The following RALYL variants were observed in gnomAD, a reference collection of about 807,000 sequenced individuals.
RALYL encodes RNA-binding Raly-like protein.
RALYL carries 29 observed loss-of-function variants against 35.1 expected under a neutral mutation model. The observed-to-expected ratio is 0.83, with a 90% confidence interval of 0.61 to 1.13. The LOEUF is 1.13. Ranked by LOEUF, RALYL falls within the 50% of genes most tolerant of loss-of-function variation. RALYL has a pLI of 0.00. For missense variants in RALYL, 359 were observed against 360.4 expected (o/e 1.00, Z 0.03); for synonymous variants, 120 against 127.6 (o/e 0.94, Z 0.40).
intron 1 of RALYL, among the ~76,000 whole-genome samples, chr8:84,375,243 A>G (rs960006090): frequency 6.6e-6 from 1 of 151,808 alleles, no homozygotes; most frequent in Non-Finnish European, 1.5e-5. Flanking sequence ...GTCATTTTCT[A>G]TTATTTGCCA....
chr8:84,273,957 T>C (rs573551309), intron 1 of RALYL, among the ~76,000 whole-genome samples: 1 of 152,226 alleles, frequency 6.6e-6, no homozygotes, highest in Non-Finnish European at 1.5e-5. Context: ...ATAAAACATG[T>C]ATTTTATGCC....
At chr8:84,748,242 G>A (rs1295567419) in intron 2 of RALYL, among the ~76,000 whole-genome samples, 1 of 151,912 alleles carries the variant, frequency 6.6e-6, no homozygotes. Flanking sequence ...TATATTTGAA[G>A]GTAGGAATGG....
chr8:84,629,163 TAC>T (rs1823397107), intron 2 of RALYL, among the ~76,000 whole-genome samples: 1 of 152,192 alleles, frequency 6.6e-6, no homozygotes, highest in East Asian at 1.9e-4. Context: ...CCTTCTAATA[TAC>T]TAGGTATTTT....
intron 1 of RALYL, among the ~76,000 whole-genome samples, chr8:84,386,607 A>G (rs1859252445): frequency 6.6e-6 from 1 of 151,822 alleles, no homozygotes. Context: ...TGGAGGTTCA[A>G]GAGTTCACAG....
chr8:84,223,831 A>T (rs938406267), intron 1 of RALYL, among the ~76,000 whole-genome samples: 4 of 152,216 alleles, frequency 2.6e-5, no homozygotes, highest in African/African-American at 9.6e-5. Flanking sequence ...AGATCATTAA[A>T]GTCAACATGA....
At chr8:84,288,122 A>G (rs762599867) in intron 1 of RALYL, among the ~76,000 whole-genome samples, 1 of 152,168 alleles carries the variant, frequency 6.6e-6, no homozygotes, top group Non-Finnish European at 1.5e-5. Flanking sequence ...GGACTTATGC[A>G]GAGGACCAGG....
intron 2 of RALYL, among the ~76,000 whole-genome samples, chr8:84,710,288 TTTTGTTTG>T (rs113072612): frequency 1.3e-5 from 2 of 151,874 alleles, no homozygotes; most frequent in African/African-American, 2.4e-5. Flanking sequence ...GTTCATATAT[TTTTGTTTG>T]TTTGTTTGTT....
At chr8:84,329,615 T>C (rs1470851201) in intron 1 of RALYL, among the ~76,000 whole-genome samples, 1 of 151,970 alleles carries the variant, frequency 6.6e-6, no homozygotes. Context: ...TAATTAGGTA[T>C]TATAGGGTCC....
chr8:84,530,293 G>A (rs1231664275), intron 2 of RALYL, among the ~76,000 whole-genome samples: 1 of 151,888 alleles, frequency 6.6e-6, no homozygotes, highest in Admixed American at 6.6e-5. Flanking sequence ...ATATATTAAT[G>A]ATTCCTCAAT....
chr8:84,767,000 G>A (rs1395667847), intron 2 of RALYL, among the ~76,000 whole-genome samples: 1 of 152,158 alleles, frequency 6.6e-6, no homozygotes, highest in Non-Finnish European at 1.5e-5. Context: ...CATGGAAATG[G>A]TATAATAAAG....
chr8:84,680,363 C>G (rs1835177058), intron 2 of RALYL, among the ~76,000 whole-genome samples: 1 of 151,958 alleles, frequency 6.6e-6, no homozygotes, highest in African/African-American at 2.4e-5. Context: ...GGGTATATAC[C>G]CAGTAATGGG....
chr8:84,572,952 G>A (rs1808379264), intron 2 of RALYL, among the ~76,000 whole-genome samples: 2 of 149,936 alleles, frequency 1.3e-5, no homozygotes, highest in South Asian at 2.1e-4. Context: ...TTTTTTTATG[G>A]TCGGGTTACA....
At chr8:84,764,465 T>C (rs896086694) in intron 2 of RALYL, among the ~76,000 whole-genome samples, 2 of 152,208 alleles carry the variant, frequency 1.3e-5, no homozygotes, top group African/African-American at 4.8e-5. Flanking sequence ...ATGTGCTTTT[T>C]TTCACTTCAG....
chr8:84,506,300 A>G (rs1387351576), intron 1 of RALYL, among the ~76,000 whole-genome samples: 1 of 152,128 alleles, frequency 6.6e-6, no homozygotes, highest in Non-Finnish European at 1.5e-5. Context: ...ACTTTCATAA[A>G]GACGCACAGC....
rs111868381 is a variant in RALYL, at chr8:84,374,576, A to G, written c.-23-154723A>G. Among the ~76,000 whole-genome samples, 594 of 152,006 alleles carry G rather than the reference A, an allele frequency of 3.9e-3. 3 individuals carry two copies. The highest frequency in any genetic ancestry group is 0.014 in the African/African-American group (561 of 41,506). On this transcript the variant is annotated intron_variant, in intron 1 of 8. Coordinates refer to ENST00000521268, the MANE Select transcript of RALYL (RefSeq NM_173848.7). ...ATGAGATCATGTCTTTTGTGGGAACATGGATGGAGCTGGAGGCAAACTAAT... is the reference window on the plus strand; with the variant it reads ...ATGAGATCATGTCTTTTGTGGGAACGTGGATGGAGCTGGAGGCAAACTAAT...
At chr8:84,186,531 C>T (rs1034230224) in intron 1 of RALYL, among the ~76,000 whole-genome samples, 1 of 152,108 alleles carries the variant, frequency 6.6e-6, no homozygotes, top group Non-Finnish European at 1.5e-5. Flanking sequence ...ATGATCGAAC[C>T]TGCATTTTCA....
chr8:84,429,508 C>T (rs2046913839), intron 1 of RALYL, among the ~76,000 whole-genome samples: 1 of 151,860 alleles, frequency 6.6e-6, no homozygotes, highest in Non-Finnish European at 1.5e-5. Flanking sequence ...AAAATTTTCC[C>T]CCAAGTCCAC....
chr8:84,534,136 C>T (rs1588036090), intron 2 of RALYL, among the ~76,000 whole-genome samples: 1 of 152,216 alleles, frequency 6.6e-6, no homozygotes, highest in Admixed American at 6.5e-5. Flanking sequence ...ACATCATAGC[C>T]CCATCAGCCT....
At chr8:84,764,497 T>C (rs1213250269) in intron 2 of RALYL, among the ~76,000 whole-genome samples, 1 of 152,116 alleles carries the variant, frequency 6.6e-6, no homozygotes. Context: ...GAAAAAACAG[T>C]CTAAATCTAA....
Sources: allele counts gnomAD v4.1 joint callset (sites outside exome capture counted in the v4.1 genomes callset), GRCh38; gene constraint gnomAD v4.1.1; transcripts MANE v1.5; gene names NCBI Gene and HGNC (gene_info 2026-07-23, HGNC 2026-07-21).